The following ERCC6L2 variants were observed in gnomAD, a reference collection of about 807,000 sequenced individuals.
ERCC6L2 encodes DNA excision repair protein ERCC-6-like 2.
ERCC6L2 carries 77 observed loss-of-function variants against 132.0 expected under a neutral mutation model. The observed-to-expected ratio is 0.58, with a 90% CI of 0.49 to 0.71. The LOEUF (loss-of-function observed/expected upper bound fraction) is 0.71. Among genes scored for constraint, ERCC6L2 ranks in the 30% least tolerant of loss-of-function variants. The probability of loss-of-function intolerance (pLI) is 0.00; values close to 1 mark genes in which losing one functional copy is unlikely to be tolerated. For synonymous variants in ERCC6L2, 583 were observed against 632.4 expected (o/e 0.92, Z 1.17); for missense variants, 1,542 against 1,837.6 (o/e 0.84, Z 2.94).
chr9:95,921,850 C>A (rs1313809580), intron 7 of ERCC6L2, among the ~76,000 whole-genome samples: 2 of 151,972 alleles, frequency 1.3e-5, no homozygotes, highest in African/African-American at 2.4e-5. Flanking sequence ...GTAGAGAAAC[C>A]CTAAGTGAAT....
At chr9:95,956,602 T>TTA (rs1831614731) in intron 13 of ERCC6L2, among the ~76,000 whole-genome samples, 1 of 152,088 alleles carries the variant, frequency 6.6e-6, no homozygotes, top group African/African-American at 2.4e-5. Context: ...CTCAGGAAAC[T>TTA]TACCATCATG....
intron 2 of ERCC6L2, among the ~76,000 whole-genome samples, chr9:95,896,915 A>G (rs1205462144): frequency 2.6e-5 from 4 of 152,098 alleles, no homozygotes; most frequent in African/African-American, 9.7e-5. Flanking sequence ...TTAAGTTTTC[A>G]GCTTTTATTT....
chr9:95,991,694 C>T lies in ERCC6L2; in HGVS notation c.3493-12826C>T, dbSNP rs952742271. 4.6e-5 allele frequency among the ~76,000 whole-genome samples: 7 copies of T among 152,204 alleles called. No individual in the cohort carries two copies. The East Asian group carries it at 7.7e-4, about 17-fold the overall frequency. ...CCATAGCATTGACACCTTCCCAATA[C>T]GTATTTTTCTGATAATGACAAAAGT... On this transcript the variant is annotated intron_variant, in intron 17 of 18. Coordinates refer to ENST00000653738, the MANE Select transcript of ERCC6L2 (RefSeq NM_020207.7).
At chr9:95,955,623 T>C (rs1394382614) in intron 12 of ERCC6L2, among the ~76,000 whole-genome samples, 1 of 151,724 alleles carries the variant, frequency 6.6e-6, no homozygotes, top group African/African-American at 2.4e-5. Context: ...AAAGCTGCTA[T>C]AAAAGAAAAA....
intron 2 of ERCC6L2, among the ~76,000 whole-genome samples, chr9:95,888,680 T>C (rs2132551489): frequency 6.6e-6 from 1 of 152,294 alleles, no homozygotes; most frequent in South Asian, 2.1e-4. Context: ...TTGGGCTAGC[T>C]GACAGAGACT....
intron 12 of ERCC6L2, chr9:95,955,027 G>T: frequency 2.6e-6 from 1 of 381,032 alleles, no homozygotes; most frequent in Non-Finnish European, 5.3e-6. Flanking sequence ...TAGGCAGTAT[G>T]GCCTTGCCCC....
intron 17 of ERCC6L2, among the ~76,000 whole-genome samples, chr9:95,980,806 A>G (rs1410618215): frequency 6.6e-6 from 1 of 152,160 alleles, no homozygotes; most frequent in Non-Finnish European, 1.5e-5. Context: ...AAAGAGACTC[A>G]ATCATAGTGT....
At position 95,937,490 on chromosome 9, in the gene ERCC6L2, T is replaced by A. The variant is rs973755169; in HGVS notation, c.1752-3964T>A. On this transcript the variant is annotated intron_variant, in intron 11 of 18. Coordinates refer to ENST00000653738, the MANE Select transcript of ERCC6L2 (RefSeq NM_020207.7). Reference sequence around the variant, plus strand: ...GCCTGGAGGGGTTATTTTTTTTCCCTAAGAGTTTTGAAAATAACATACTCA... The same window carrying A: ...GCCTGGAGGGGTTATTTTTTTTCCCAAAGAGTTTTGAAAATAACATACTCA... Among the ~76,000 whole-genome samples the A allele has an allele frequency of 1.7e-4, 26 of 152,192 alleles. No individual in the cohort carries two copies. In the East Asian group the frequency reaches 4.3e-3, roughly 25 times the overall value.
intron 1 of ERCC6L2, among the ~76,000 whole-genome samples, chr9:95,878,387 T>G (rs1478513559): frequency 3.9e-5 from 6 of 152,220 alleles, no homozygotes. Context: ...ACCAGGATAT[T>G]CTGATGGATT....
chr9:96,039,060 G>A (rs544311173), exon 20 of ERCC6L2: 63 of 394,862 alleles, frequency 1.6e-4, no homozygotes, highest in African/African-American at 1.3e-3. Flanking sequence ...CATGGTCCTG[G>A]CTGACATCTT....
Position 95,922,417 on chromosome 9 carries a change from A to G in ERCC6L2, c.1412A>G (p.Gln471Arg). Reference protein sequence around the residue: ...LLQAASTSKQQETLIKRICDQ... With the variant: ...LLQAASTSKQRETLIKRICDQ... ...CAAGCTGCTAGTACTTCCAAACAAC[A>G]GGTTTGGTTAGCATTTTACATTTCT... The change falls in exon 8 of 19, where the codon CAG becomes CGG. Residue 471 changes from glutamine (Q) to arginine (R), a missense_variant and splice_region_variant. Gln to Arg is a conservative substitution (Grantham distance 43). This residue lies in a region of ERCC6L2 where 945 missense variants were observed against 1,105.2 expected (regional missense o/e 0.86). Coordinates refer to ENST00000653738, the MANE Select transcript of ERCC6L2 (RefSeq NM_020207.7). 6.4e-7 allele frequency: 1 copy of G among 1,560,798 alleles called. No individual in the cohort carries two copies. The highest frequency in any genetic ancestry group is 8.8e-7 in the Non-Finnish European group (1 of 1,132,810).
chr9:95,906,129 A>T (rs899813988), intron 3 of ERCC6L2, among the ~76,000 whole-genome samples: 1 of 152,182 alleles, frequency 6.6e-6, no homozygotes, highest in Non-Finnish European at 1.5e-5. Flanking sequence ...AGGCATTATT[A>T]GGGCACAAGT....
chr9:95,876,028 C>G lies in ERCC6L2; in HGVS notation c.-11C>G. 1 of 1,587,676 alleles carries G rather than the reference C, an allele frequency of 6.3e-7. No homozygotes were observed. Among genetic ancestry groups the G allele is most frequent in the Non-Finnish European group, 8.6e-7 (1 of 1,167,946 alleles). Reference sequence around the variant, plus strand: ...TACATGCAGCCGGGCTCGGCCCCTCCCCCTGGCCGGATGGATCCGTCGGCG... The same window carrying G: ...TACATGCAGCCGGGCTCGGCCCCTCGCCCTGGCCGGATGGATCCGTCGGCG... On this transcript the variant is annotated 5_prime_UTR_variant, in exon 1 of 19. Transcript: ENST00000653738.
chr9:95,915,018 G>C (rs1030569182), intron 4 of ERCC6L2, among the ~76,000 whole-genome samples: 6 of 152,058 alleles, frequency 3.9e-5, no homozygotes, highest in African/African-American at 1.2e-4. Context: ...TTCAATTGTA[G>C]TCAATATTTG....
At chr9:95,998,233 C>G (rs1833537405) in intron 17 of ERCC6L2, among the ~76,000 whole-genome samples, 1 of 152,088 alleles carries the variant, frequency 6.6e-6, no homozygotes, top group Non-Finnish European at 1.5e-5. Flanking sequence ...TCCCTGAAAC[C>G]CATCTACAGA....
At chr9:95,956,057 C>G (rs1831584401) in intron 13 of ERCC6L2, 44 bp downstream of exon 13, 1 of 1,200,798 alleles carries the variant, frequency 8.3e-7, no homozygotes, top group Non-Finnish European at 1.2e-6. Flanking sequence ...CAACATTTAT[C>G]TGTTTTCAAA....
chr9:95,929,902 CCTT>C (rs1346925665), intron 11 of ERCC6L2, among the ~76,000 whole-genome samples: 8 of 152,156 alleles, frequency 5.3e-5, no homozygotes, highest in African/African-American at 1.4e-4. Flanking sequence ...AGTCTCTTAT[CCTT>C]CTTCTGCTCA....
At chr9:95,970,482 G>T in intron 14 of ERCC6L2, 94 bp from the exon 15 acceptor site, 1 of 584,758 alleles carries the variant, frequency 1.7e-6, no homozygotes, top group Non-Finnish European at 2.4e-6. Context: ...TTCTTTCTTA[G>T]CTCCAAGAAT....
chr9:95,895,956 G>T (rs1828436744), intron 2 of ERCC6L2, among the ~76,000 whole-genome samples: 1 of 152,050 alleles, frequency 6.6e-6, no homozygotes, highest in Admixed American at 6.5e-5. Context: ...TTGATCTCCT[G>T]ACCTCGTGAT....
Sources: allele counts gnomAD v4.1 joint callset (sites outside exome capture counted in the v4.1 genomes callset), GRCh38; gene constraint gnomAD v4.1.1; regional missense constraint gnomAD v4.1.1; transcripts MANE v1.5; gene names NCBI Gene and HGNC (gene_info 2026-07-23, HGNC 2026-07-21).